The following CTNNA3 variants were observed in gnomAD, a reference collection of about 807,000 sequenced individuals.
CTNNA3 encodes the protein catenin alpha 3.
Under a neutral mutation model 95.7 loss-of-function variants are expected in CTNNA3, and 76 were observed. The observed-to-expected ratio is 0.79, with a 90% confidence interval of 0.66 to 0.96. CTNNA3 has a LOEUF of 0.96. Among genes scored for constraint, CTNNA3 ranks in the 40% least tolerant of loss-of-function variants. CTNNA3 has a pLI of 0.00. For synonymous variants in CTNNA3, 431 were observed against 374.4 expected, an observed-to-expected ratio of 1.15 and a Z score of -1.74; for missense variants, 1,191 against 1,089.8, an observed-to-expected ratio of 1.09 and a Z score of -1.31.
At chr10:66,360,658 T>C (rs201771167) in intron 12 of CTNNA3, among the ~76,000 whole-genome samples, 2,466 of 48,680 alleles carry the variant, frequency 0.051, 98 homozygotes, top group African/African-American at 0.089. Context: ...TTTCTTTCTT[T>C]CTTCCTTCCT....
At chr10:67,430,853 A>ACACACC (rs1046467004) in intron 5 of CTNNA3, among the ~76,000 whole-genome samples, 3 of 149,944 alleles carry the variant, frequency 2.0e-5, no homozygotes, top group East Asian at 3.9e-4. Flanking sequence ...ACACACACAC[A>ACACACC]CCCTCACACA....
intron 1 of CTNNA3, among the ~76,000 whole-genome samples, chr10:67,722,292 T>C (rs1340359841): frequency 6.6e-6 from 1 of 152,138 alleles, no homozygotes; most frequent in Non-Finnish European, 1.5e-5. Context: ...GAGAGACAGA[T>C]CAAAGGGGTT....
chr10:66,167,490 G>A (rs1292733825), intron 13 of CTNNA3, among the ~76,000 whole-genome samples: 10 of 152,124 alleles, frequency 6.6e-5, no homozygotes, highest in Non-Finnish European at 1.2e-4. Context: ...GTCTTTTGAA[G>A]TTCCTACTTA....
chr10:66,519,525 A>C (rs774250474), intron 11 of CTNNA3, among the ~76,000 whole-genome samples: 2 of 152,154 alleles, frequency 1.3e-5, no homozygotes, highest in Non-Finnish European at 2.9e-5. Flanking sequence ...CATTCTATTC[A>C]AAGTCATCTC....
intron 11 of CTNNA3, among the ~76,000 whole-genome samples, chr10:66,499,740 G>GA (rs1278793288): frequency 6.6e-6 from 1 of 151,074 alleles, no homozygotes; most frequent in African/African-American, 2.4e-5. Flanking sequence ...CAATAAATGA[G>GA]AAAATATCTA....
At chr10:66,214,758 AGAGGAACT>A (rs1404393451) in intron 13 of CTNNA3, among the ~76,000 whole-genome samples, 1 of 152,176 alleles carries the variant, frequency 6.6e-6, no homozygotes. Context: ...TCTATTAGCT[AGAGGAACT>A]GAGCAGCTTC....
intron 15 of CTNNA3, among the ~76,000 whole-genome samples, chr10:66,065,654 C>T (rs545383098): frequency 6.6e-6 from 1 of 152,192 alleles, no homozygotes; most frequent in South Asian, 2.1e-4. Context: ...CTTATTAACA[C>T]TTGAATGCTC....
intron 15 of CTNNA3, among the ~76,000 whole-genome samples, chr10:66,009,056 T>C (rs1418841229): frequency 6.6e-6 from 1 of 151,862 alleles, no homozygotes; most frequent in Non-Finnish European, 1.5e-5. Flanking sequence ...GCCGAGATGG[T>C]GCCACTGCAC....
chr10:67,398,717 T>C (rs1009390350), intron 5 of CTNNA3, among the ~76,000 whole-genome samples: 19 of 152,100 alleles, frequency 1.2e-4, no homozygotes, highest in African/African-American at 4.3e-4. Flanking sequence ...CATGGGAGGG[T>C]ACCTGGTGGG....
At chr10:66,568,908 C>G (rs1842788231) in intron 10 of CTNNA3, among the ~76,000 whole-genome samples, 3 of 151,940 alleles carry the variant, frequency 2.0e-5, no homozygotes, top group African/African-American at 7.3e-5. Context: ...AAAGCCTTTG[C>G]TTCCTATCTC....
At chr10:66,111,263 C>G (rs991749084) in intron 13 of CTNNA3, among the ~76,000 whole-genome samples, 1 of 152,154 alleles carries the variant, frequency 6.6e-6, no homozygotes, top group Non-Finnish European at 1.5e-5. Flanking sequence ...GATGTGCCTG[C>G]TTCCCCTTCA....
chr10:67,476,092 A>G (rs1327723114), intron 5 of CTNNA3, among the ~76,000 whole-genome samples: 1 of 152,210 alleles, frequency 6.6e-6, no homozygotes, highest in Middle Eastern at 3.2e-3. Flanking sequence ...ATGATGTCAC[A>G]TTTGCTACAC....
chr10:67,206,285 A>G (rs1863898173), intron 6 of CTNNA3, among the ~76,000 whole-genome samples: 1 of 152,142 alleles, frequency 6.6e-6, no homozygotes, highest in African/African-American at 2.4e-5. Flanking sequence ...TATATAAAAC[A>G]TTGAGATTTC....
intron 2 of CTNNA3, among the ~76,000 whole-genome samples, chr10:67,613,683 G>A (rs897373482): frequency 6.6e-6 from 1 of 152,022 alleles, no homozygotes; most frequent in Non-Finnish European, 1.5e-5. Flanking sequence ...CAAATAAAAA[G>A]AGCTGGCACA....
At chr10:67,531,207 G>A (rs1181466030) in intron 4 of CTNNA3, among the ~76,000 whole-genome samples, 1 of 152,132 alleles carries the variant, frequency 6.6e-6, no homozygotes, top group Non-Finnish European at 1.5e-5. Context: ...TGTGAGAAGA[G>A]GGCCACTGTC....
At chr10:66,736,894 A>G (rs972603108) in intron 9 of CTNNA3, among the ~76,000 whole-genome samples, 4 of 152,152 alleles carry the variant, frequency 2.6e-5, no homozygotes, top group African/African-American at 9.7e-5. Flanking sequence ...AAATAGTTGA[A>G]AAACATTTGA....
chr10:65,975,663 A>C (rs1160254463), intron 16 of CTNNA3, among the ~76,000 whole-genome samples: 4 of 152,152 alleles, frequency 2.6e-5, no homozygotes, highest in Admixed American at 2.0e-4. Flanking sequence ...GCCAGGTACT[A>C]TGCCAAGGCC....
chr10:66,676,087 T>C (rs1290933414), intron 9 of CTNNA3, among the ~76,000 whole-genome samples: 2 of 149,476 alleles, frequency 1.3e-5, no homozygotes, highest in South Asian at 2.1e-4. Context: ...AATTTCTACA[T>C]GTTAGAGTTA....
chr10:67,729,135 A>G (rs921799910), intron 1 of CTNNA3, among the ~76,000 whole-genome samples: 2 of 152,162 alleles, frequency 1.3e-5, no homozygotes, highest in Non-Finnish European at 1.5e-5. Flanking sequence ...ATACTTTAAA[A>G]TGTTTAAAAG....
Sources: gnomAD v4.1 joint callset for allele counts (sites outside exome capture counted in the v4.1 genomes callset) on GRCh38, gnomAD v4.1.1 for gene constraint, MANE v1.5 for transcripts, NCBI Gene and HGNC (gene_info 2026-07-23, HGNC 2026-07-21) for gene names.